Variants in TCF4 observed in about 807,000 individuals in gnomAD.
TCF4 encodes the protein SL3-3 enhancer factor 2.
In TCF4, 3 loss-of-function variants were observed where a neutral mutation model predicts 82.1. That is an observed-to-expected ratio of 0.04 (90% confidence interval 0.02 to 0.09). The LOEUF (loss-of-function observed/expected upper bound fraction) is 0.09. Ranked by LOEUF, TCF4 falls within the 10% of genes least tolerant of loss-of-function variation. The probability of loss-of-function intolerance (pLI) is 1.00; values close to 1 mark genes in which losing one functional copy is unlikely to be tolerated. For missense variants in TCF4, 518 were observed against 852.7 expected (o/e 0.61, Z 4.89); for synonymous variants, 276 against 309.6 (o/e 0.89, Z 1.14).
At chr18:55,230,718 A>C (rs1703090030) in intron 17 of TCF4, 1 of 152,222 alleles carries the variant, frequency 6.6e-6, no homozygotes, top group South Asian at 2.1e-4. Context: ...TGTATATTTA[A>C]TGAATGCTGG....
In TCF4 at chr18:55,225,123, G is replaced by A. The variant is rs1207290178; in HGVS notation, c.*2912C>T. ...GGATACAACCCAATTAATATGGATA[G>A]GTGCAGATTATGTTTCTCCACCAAG... On this transcript the variant is annotated 3_prime_UTR_variant, in exon 20 of 20. Coordinates refer to ENST00000354452, the MANE Select transcript of TCF4 (RefSeq NM_001083962.2). 6.6e-6 allele frequency: 1 copy of A among 152,094 alleles called. No homozygotes were observed. The highest frequency in any genetic ancestry group is 6.6e-5 in the Admixed American group (1 of 15,236). The allele number at this position is 152,094 out of a possible 1,614,324, so 9.4% of individuals were successfully genotyped here.
At chr18:55,507,932 C>A (rs1246948355) in intron 3 of TCF4, among the ~76,000 whole-genome samples, 1 of 152,050 alleles carries the variant, frequency 6.6e-6, no homozygotes, top group Non-Finnish European at 1.5e-5. Flanking sequence ...AGAAACTGAC[C>A]CATGTAACCG....
At position 55,519,259 on chromosome 18, in the gene TCF4, C is replaced by T. The variant is rs185073401; in HGVS notation, c.146-55122G>A. On this transcript the variant is annotated intron_variant, in intron 3 of 19. Transcript: ENST00000354452. ...ACCAGCCTGGGCAACATTGTGAAACCATGTCTCTACAAAAAAATACAAAAA... is the reference window on the plus strand; with the variant it reads ...ACCAGCCTGGGCAACATTGTGAAACTATGTCTCTACAAAAAAATACAAAAA... Among the ~76,000 whole-genome samples, 114 of 152,032 alleles carry T rather than the reference C, an allele frequency of 7.5e-4. 1 individual carries two copies. Among genetic ancestry groups the T allele is most frequent in the Middle Eastern group, 3.4e-3 (1 of 294 alleles).
At chr18:55,283,100 T>C (rs2062951979) in intron 8 of TCF4, among the ~76,000 whole-genome samples, 2 of 151,970 alleles carry the variant, frequency 1.3e-5, no homozygotes, top group East Asian at 1.9e-4. Context: ...ATCATACATA[T>C]AGAAATCCTG....
intron 15 of TCF4, among the ~76,000 whole-genome samples, chr18:55,241,944 C>G (rs1374464906): frequency 6.6e-6 from 1 of 152,180 alleles, no homozygotes; most frequent in Admixed American, 6.5e-5. Context: ...CTCCCAGGAC[C>G]AATGCAGTTC....
chr18:55,260,125 T>G, intron 12 of TCF4, 98 bp from the exon 13 acceptor site: 1 of 878,138 alleles, frequency 1.1e-6, no homozygotes, highest in Non-Finnish European at 1.9e-6. Context: ...ATTTAGAACT[T>G]ACAAGTTACA....
intron 8 of TCF4, among the ~76,000 whole-genome samples, chr18:55,327,350 A>T (rs1205043558): frequency 1.3e-5 from 2 of 152,114 alleles, no homozygotes; most frequent in Non-Finnish European, 2.9e-5. Flanking sequence ...AGTGGCATGA[A>T]CTTATTTTCT....
At chr18:55,561,511 T>C (rs1352189957) in intron 3 of TCF4, among the ~76,000 whole-genome samples, 2 of 152,188 alleles carry the variant, frequency 1.3e-5, no homozygotes, top group African/African-American at 4.8e-5. Context: ...TGCTATACGA[T>C]GCAAAATTCC....
At chr18:55,298,945 G>A (rs182669269) in intron 8 of TCF4, among the ~76,000 whole-genome samples, 6 of 152,032 alleles carry the variant, frequency 3.9e-5, no homozygotes, top group South Asian at 2.1e-4. Flanking sequence ...CTCTAGAGTC[G>A]ATCAGACAGA....
At position 55,254,502 on chromosome 18, in the gene TCF4, G is replaced by A. The variant is rs1411975312; in HGVS notation, c.1345C>T (p.Leu449Phe). The A allele has an allele frequency of 1.2e-6, 2 of 1,613,450 alleles. No homozygotes were observed. ...CTATAAATTTCATCACTTACCATGA[G>A]TGAATGTCTGTTGGCTGAAAGAAGG... ...TGLLSANRHS[L>F]MVGTHREDGV... Residue 449 changes from leucine (L) to phenylalanine (F), a missense_variant, in exon 15 of 20, where the codon CTC becomes TTC. By Grantham distance (22) the Leu-to-Phe change is conservative. Around this residue, in one of 7 missense-constraint regions of TCF4, gnomAD observed 144 missense variants for 190.2 expected, o/e 0.76. Coordinates refer to ENST00000354452, the MANE Select transcript of TCF4 (RefSeq NM_001083962.2).
At position 55,227,219 on chromosome 18, in the gene TCF4, C is replaced by A; in HGVS notation, c.*816G>T. ...GAGTTGGCACTACAGGTTACGATAA[C>A]AAACCAGGGAAAGGGACAGAAATAA... On this transcript the variant is annotated 3_prime_UTR_variant, in exon 20 of 20. Transcript: ENST00000354452. The A allele has an allele frequency of 1.4e-5, 2 of 143,670 alleles. No homozygotes were observed. Among genetic ancestry groups the A allele is most frequent in the African/African-American group, 2.6e-5 (1 of 38,144 alleles). 8.9% of individuals were successfully genotyped at this position (143,670 alleles called of 1,614,324 possible). A position where few individuals can be genotyped will look rare whatever the true frequency, so the allele number is the denominator to read the frequency against.
At chr18:55,540,120 T>C (rs1286884925) in intron 3 of TCF4, among the ~76,000 whole-genome samples, 4 of 151,772 alleles carry the variant, frequency 2.6e-5, no homozygotes, top group Non-Finnish European at 5.9e-5. Flanking sequence ...AAAACCTTCT[T>C]AGAGGAGTTT....
intron 5 of TCF4, 109 bp downstream of exon 5, chr18:55,460,910 T>G: frequency 1.1e-6 from 1 of 931,794 alleles, no homozygotes; most frequent in South Asian, 1.4e-5. Flanking sequence ...GTGAACTGAC[T>G]AAATATCCAA....
intron 6 of TCF4, among the ~76,000 whole-genome samples, chr18:55,402,523 T>C (rs1187028274): frequency 1.3e-5 from 2 of 151,276 alleles, no homozygotes; most frequent in African/African-American, 4.8e-5. Context: ...TTTGTTTGCG[T>C]GAATAATAAA....
rs373458243 is a variant in TCF4 at position 55,466,054 on chromosome 18, C to T, written c.146-1917G>A. 1.7e-4 allele frequency among the ~76,000 whole-genome samples: 26 copies of T among 152,276 alleles called. No individual in the cohort carries two copies. The East Asian group carries it at 4.8e-3, about 28-fold the overall frequency. ...GGACGCTACTGCCAGGTCAGTGGGGCTTTTGCATCCCAAAGGACATTTGGC... is the reference window on the plus strand; with the variant it reads ...GGACGCTACTGCCAGGTCAGTGGGGTTTTTGCATCCCAAAGGACATTTGGC... On this transcript the variant is annotated intron_variant, in intron 3 of 19. Transcript: ENST00000354452.
At chr18:55,244,102 T>TA (rs1254124310) in intron 15 of TCF4, among the ~76,000 whole-genome samples, 2 of 152,206 alleles carry the variant, frequency 1.3e-5, no homozygotes, top group East Asian at 3.8e-4. Flanking sequence ...AAACAGCTGC[T>TA]AATAACCTCC....
At chr18:55,480,435 A>C (rs1233668803) in intron 3 of TCF4, among the ~76,000 whole-genome samples, 1 of 152,180 alleles carries the variant, frequency 6.6e-6, no homozygotes, top group African/African-American at 2.4e-5. Flanking sequence ...GATTGGGAAG[A>C]AAATCTTACG....
chr18:55,631,290 C>T (rs1461918889), intron 2 of TCF4: 1 of 1,318,176 alleles, frequency 7.6e-7, no homozygotes, highest in Non-Finnish European at 1.1e-6. Context: ...CTCAGGTGAT[C>T]CACCTACCTT....
chr18:55,555,804 A>C (rs1020668907), intron 3 of TCF4, among the ~76,000 whole-genome samples: 4 of 151,952 alleles, frequency 2.6e-5, no homozygotes, highest in African/African-American at 9.7e-5. Flanking sequence ...TAAATCCATT[A>C]TCGGTGTACA....
Sources: allele counts gnomAD v4.1 joint callset (sites outside exome capture counted in the v4.1 genomes callset), GRCh38; gene constraint gnomAD v4.1.1; regional missense constraint gnomAD v4.1.1; transcripts MANE v1.5; gene names NCBI Gene and HGNC (gene_info 2026-07-23, HGNC 2026-07-21).